EDARADD: variants seen among roughly 807,000 people sequenced by gnomAD.
EDARADD encodes the protein EDAR associated via death domain.
A neutral mutation model predicts 25.6 loss-of-function variants in EDARADD; 20 were observed. The observed-to-expected ratio is 0.78, with a 90% CI of 0.55 to 1.14. EDARADD has a LOEUF of 1.14. EDARADD is among the 50% of genes most tolerant of loss of function. The pLI is 0.00. For synonymous variants in EDARADD, 86 were observed against 94.4 expected, an observed-to-expected ratio of 0.91 and a Z score of 0.52; for missense variants, 225 against 270.1, an observed-to-expected ratio of 0.83 and a Z score of 1.17.
intron 5 of EDARADD, among the ~76,000 whole-genome samples, chr1:236,480,605 T>C (rs1177995802): frequency 2.0e-5 from 3 of 152,180 alleles, no homozygotes; most frequent in Non-Finnish European, 4.4e-5. Context: ...ATGTTATATA[T>C]ATAGTAAAGG....
At chr1:236,477,677 G>A (rs1435747626) in intron 5 of EDARADD, among the ~76,000 whole-genome samples, 1 of 151,992 alleles carries the variant, frequency 6.6e-6, no homozygotes, top group East Asian at 1.9e-4. Flanking sequence ...AGAGGTAGAG[G>A]GAAGGCGTTC....
chr1:236,478,395 A>T (rs1558138579), intron 5 of EDARADD, among the ~76,000 whole-genome samples: 1 of 140,646 alleles, frequency 7.1e-6, no homozygotes, highest in Non-Finnish European at 1.6e-5. Flanking sequence ...GTATGGATTT[A>T]TATATATATA....
chr1:236,436,973 A>G (rs568272377), intron 4 of EDARADD, among the ~76,000 whole-genome samples: 11 of 152,228 alleles, frequency 7.2e-5, no homozygotes, highest in Non-Finnish European at 1.2e-4. Flanking sequence ...TCATCCCTCC[A>G]TCTTTCAAGT....
intron 3 of EDARADD, among the ~76,000 whole-genome samples, chr1:236,375,988 G>A (rs566987724): frequency 3.1e-4 from 45 of 144,168 alleles, no homozygotes; most frequent in African/African-American, 9.3e-4. Flanking sequence ...AGGCTGGAGT[G>A]CAATGGTGCG....
intron 3 of EDARADD, among the ~76,000 whole-genome samples, chr1:236,354,088 G>C (rs1666948859): frequency 6.6e-6 from 1 of 152,092 alleles, no homozygotes; most frequent in African/African-American, 2.4e-5. Flanking sequence ...TGTTTTATAA[G>C]GCTATTTTCT....
intron 3 of EDARADD, among the ~76,000 whole-genome samples, chr1:236,380,729 G>A (rs777504422): frequency 6.6e-6 from 1 of 152,026 alleles, no homozygotes; most frequent in African/African-American, 2.4e-5. Context: ...TTTGTTTGTT[G>A]TAGAAATGGG....
chr1:236,446,182 C>G (rs1658532390), intron 4 of EDARADD, among the ~76,000 whole-genome samples: 1 of 152,212 alleles, frequency 6.6e-6, no homozygotes, highest in African/African-American at 2.4e-5. Context: ...TAAGGACCTT[C>G]TCCTTCTCCC....
intron 4 of EDARADD, among the ~76,000 whole-genome samples, chr1:236,454,058 T>TTTTCC (rs1558129705): frequency 5.3e-5 from 8 of 151,802 alleles, no homozygotes; most frequent in East Asian, 1.9e-4. Context: ...TTTTCTTTTC[T>TTTTCC]TTTTTGAGAC....
In EDARADD at chr1:236,385,089, C is replaced by CTTTTTTTTTTTTTTTTTTTTTT. The variant is rs34509027; in HGVS notation, c.-5-24110_-5-24109insTTTTTTTTTTTTTTTTTTTTTT. Among the ~76,000 whole-genome samples, 32 of 121,984 alleles carry CTTTTTTTTTTTTTTTTTTTTTT rather than the reference C, an allele frequency of 2.6e-4. 3 individuals carry two copies. Among genetic ancestry groups the CTTTTTTTTTTTTTTTTTTTTTT allele is most frequent in the African/African-American group, 8.7e-4 (26 of 29,724 alleles). The allele number at this position is 121,984 out of a possible 152,430, so 80.0% of individuals were successfully genotyped here. ...GATTTTTATTCTATGCCTTTTGATTCTTTTTTTTTTTTTTTTTGCCTTAAG... is the reference window on the plus strand; with the variant it reads ...GATTTTTATTCTATGCCTTTTGATTCTTTTTTTTTTTTTTTTTTTTTTTTTTTTTTTTTTTTTTTGCCTTAAG... On this transcript the variant is annotated intron_variant, in intron 3 of 7. Transcript: ENST00000439430.
intron 3 of EDARADD, among the ~76,000 whole-genome samples, chr1:236,360,535 C>CG (rs1667033479): frequency 7.6e-6 from 1 of 131,486 alleles, no homozygotes; most frequent in Non-Finnish European, 1.6e-5. Context: ...TTTTAATTCA[C>CG]GGTTTTTTTT....
intron 3 of EDARADD, among the ~76,000 whole-genome samples, chr1:236,418,333 C>T (rs1657696591): frequency 6.6e-6 from 1 of 151,720 alleles, no homozygotes; most frequent in Admixed American, 6.6e-5. Flanking sequence ...CAACCTTTGC[C>T]TCCCAGGCTC....
chr1:236,455,296 A>AAT (rs1658828989), intron 4 of EDARADD, among the ~76,000 whole-genome samples: 1 of 152,088 alleles, frequency 6.6e-6, no homozygotes, highest in Admixed American at 6.6e-5. Context: ...CCAGCTCACC[A>AAT]GACTCTCTGC....
chr1:236,448,288 C>T (rs1658619338), intron 4 of EDARADD, among the ~76,000 whole-genome samples: 2 of 152,342 alleles, frequency 1.3e-5, no homozygotes, highest in South Asian at 2.1e-4. Context: ...GCTTAGACCA[C>T]GCATCCACAG....
intron 3 of EDARADD, among the ~76,000 whole-genome samples, chr1:236,378,309 T>G (rs1294236860): frequency 6.6e-6 from 1 of 152,246 alleles, no homozygotes; most frequent in Non-Finnish European, 1.5e-5. Flanking sequence ...GGAGTCACTG[T>G]GTGAACCTGG....
At chr1:236,371,339 AT>A (rs1667169959) in intron 3 of EDARADD, among the ~76,000 whole-genome samples, 1 of 152,094 alleles carries the variant, frequency 6.6e-6, no homozygotes, top group South Asian at 2.1e-4. Context: ...GTCATTGAAT[AT>A]TTCAGATTTT....
intron 1 of EDARADD, among the ~76,000 whole-genome samples, chr1:236,394,985 C>A (rs995858408): frequency 6.6e-6 from 1 of 152,136 alleles, no homozygotes; most frequent in African/African-American, 2.4e-5. Context: ...GTAACTAATG[C>A]CAAAGAAAAA....
At position 236,482,781 on chromosome 1, in the gene EDARADD, C is replaced by CT; in HGVS notation, c.*133dup. The CT allele has an allele frequency of 7.1e-7, 1 of 1,406,172 alleles. No homozygotes were observed. Among genetic ancestry groups the CT allele is most frequent in the Non-Finnish European group, 9.8e-7 (1 of 1,022,406 alleles). The allele number at this position is 1,406,172 out of a possible 1,614,324, so 87.1% of individuals were successfully genotyped here. A position where few individuals can be genotyped will look rare whatever the true frequency, so the allele number is the denominator to read the frequency against. ...CAGTGGACACTGGTTTTCCCCAAAG[C>CT]TGGCAGTTTTGTGGAGGGGTAGCTT... On this transcript the variant is annotated 3_prime_UTR_variant, in exon 6 of 6. Transcript: ENST00000334232.
chr1:236,370,416 G>A lies in EDARADD; in HGVS notation c.-6+19577G>A, dbSNP rs553789067. Among the ~76,000 whole-genome samples the A allele has an allele frequency of 5.0e-4, 76 of 152,088 alleles. 2 individuals carry two copies. Among genetic ancestry groups the A allele is most frequent in the South Asian group, 4.8e-3 (23 of 4,814 alleles). On this transcript the variant is annotated intron_variant, in intron 3 of 7. Transcript: ENST00000439430. ...AGCCTGGGTGACAAAGCAAAACTCT[G>A]TCTCCAAAAAAAAGGCAGGGGAATT...
At chr1:236,405,902 T>C (rs1329276774) in intron 1 of EDARADD, among the ~76,000 whole-genome samples, 8 of 49,366 alleles carry the variant, frequency 1.6e-4, no homozygotes, top group African/African-American at 3.6e-4. Flanking sequence ...TCTTTCTTTC[T>C]TTCTTTCTTT....
Sources: allele counts gnomAD v4.1 joint callset (sites outside exome capture counted in the v4.1 genomes callset), GRCh38; gene constraint gnomAD v4.1.1; transcripts MANE v1.5; gene names NCBI Gene and HGNC (gene_info 2026-07-23, HGNC 2026-07-21).